The following PPME1 variants were observed in gnomAD, a reference collection of about 807,000 sequenced individuals.
PPME1 encodes the protein protein phosphatase methylesterase 1.
PPME1 carries 17 observed loss-of-function variants against 56.9 expected under a neutral mutation model. The observed-to-expected ratio is 0.30, with a 90% CI of 0.20 to 0.45. The LOEUF (loss-of-function observed/expected upper bound fraction) is 0.45. PPME1 is among the 20% of genes least tolerant of loss of function. The pLI is 1.00. For missense variants in PPME1, 357 were observed against 483.2 expected, an observed-to-expected ratio of 0.74 and a Z score of 2.45; for synonymous variants, 122 against 156.2, an observed-to-expected ratio of 0.78 and a Z score of 1.63.
At chr11:74,228,306 T>A (rs1858980488) in intron 5 of PPME1, among the ~76,000 whole-genome samples, 1 of 152,186 alleles carries the variant, frequency 6.6e-6, no homozygotes, top group Non-Finnish European at 1.5e-5. Context: ...AATAATTTCC[T>A]CTGTGTTACT....
chr11:74,200,357 TTGTGTGTGTGTGTG>T (rs71919163), intron 1 of PPME1, among the ~76,000 whole-genome samples: 363 of 145,916 alleles, frequency 2.5e-3, no homozygotes, highest in African/African-American at 7.9e-3. Context: ...GTCATGTGTT[TTGTGTGTGTGTGTG>T]TGTGTGTGTG....
At chr11:74,241,805 G>A (rs1859367474) in intron 9 of PPME1, among the ~76,000 whole-genome samples, 1 of 152,064 alleles carries the variant, frequency 6.6e-6, no homozygotes, top group African/African-American at 2.4e-5. Flanking sequence ...AGAAATGTTT[G>A]TTAGATACGT....
At position 74,171,484 on chromosome 11, in the gene PPME1, C is replaced by T. The variant is rs1458366213; in HGVS notation, c.63C>T (p.Gly21=). The change falls in exon 1 of 14, where the codon GGC becomes GGT. Residue 21 remains glycine, a synonymous_variant. Coordinates refer to ENST00000328257, the MANE Select transcript of PPME1 (RefSeq NM_016147.3). ...TTCCCTCTCGCCCACCTCTACCCGGCAGCGGGGGCAGTCAGAGCGGAGCCA... is the reference window on the plus strand; with the variant it reads ...TTCCCTCTCGCCCACCTCTACCCGGTAGCGGGGGCAGTCAGAGCGGAGCCA... ...GRLPSRPPLP[G]SGGSQSGAKM... The T allele has an allele frequency of 1.9e-6, 3 of 1,613,342 alleles. No homozygotes were observed. Among genetic ancestry groups the T allele is most frequent in the Non-Finnish European group, 1.7e-6 (2 of 1,179,804 alleles).
intron 1 of PPME1, among the ~76,000 whole-genome samples, chr11:74,174,067 A>G (rs1168652284): frequency 2.0e-5 from 3 of 152,206 alleles, no homozygotes; most frequent in Non-Finnish European, 4.4e-5. Context: ...TGGTAGTAAT[A>G]ATATAGATTC....
intron 1 of PPME1, among the ~76,000 whole-genome samples, chr11:74,176,434 T>G (rs1028020278): frequency 4.8e-5 from 7 of 145,568 alleles, no homozygotes; most frequent in Admixed American, 1.4e-4. Context: ...AGTATTTCTG[T>G]TTTTTTTTTT....
At chr11:74,215,654 T>C (rs1858619484) in intron 3 of PPME1, among the ~76,000 whole-genome samples, 3 of 152,144 alleles carry the variant, frequency 2.0e-5, no homozygotes, top group Admixed American at 2.0e-4. Flanking sequence ...AATAAGTCCT[T>C]ATTAATAATA....
At chr11:74,173,052 C>T (rs971797660) in intron 1 of PPME1, among the ~76,000 whole-genome samples, 3 of 151,956 alleles carry the variant, frequency 2.0e-5, no homozygotes, top group Non-Finnish European at 2.9e-5. Context: ...TGCTATGATA[C>T]GCAGTAGAAA....
chr11:74,174,133 C>T (rs554462339), intron 1 of PPME1, among the ~76,000 whole-genome samples: 1 of 144,204 alleles, frequency 6.9e-6, no homozygotes, highest in Admixed American at 6.6e-5. Flanking sequence ...TCTCATTTCA[C>T]CACTTCATGT....
At chr11:74,206,107 C>T (rs1399247479) in intron 3 of PPME1, among the ~76,000 whole-genome samples, 3 of 152,096 alleles carry the variant, frequency 2.0e-5, no homozygotes, top group South Asian at 2.1e-4. Flanking sequence ...CATTTCAAAT[C>T]GTAGCTTTAG....
At chr11:74,234,767 ATAGG>A (rs1420278617) in intron 7 of PPME1, among the ~76,000 whole-genome samples, 1 of 152,214 alleles carries the variant, frequency 6.6e-6, no homozygotes, top group Non-Finnish European at 1.5e-5. Flanking sequence ...AAATGGAGTA[ATAGG>A]TAGTAGTGAA....
chr11:74,209,300 G>A (rs183397819), intron 3 of PPME1, among the ~76,000 whole-genome samples: 87 of 152,054 alleles, frequency 5.7e-4, no homozygotes, highest in African/African-American at 2.0e-3. Flanking sequence ...AGGGAATCCC[G>A]CTATATTGCC....
chr11:74,234,715 A>G (rs754214097), intron 7 of PPME1, among the ~76,000 whole-genome samples: 3 of 152,232 alleles, frequency 2.0e-5, no homozygotes, highest in Non-Finnish European at 4.4e-5. Flanking sequence ...AGAGAAAGCA[A>G]GATAACTCTT....
chr11:74,194,956 C>T (rs1463781111), intron 1 of PPME1, among the ~76,000 whole-genome samples: 1 of 152,154 alleles, frequency 6.6e-6, no homozygotes, highest in African/African-American at 2.4e-5. Flanking sequence ...TTATATCAGA[C>T]AGCAGGCAGT....
chr11:74,200,925 A>G (rs1222177130), intron 1 of PPME1, among the ~76,000 whole-genome samples: 1 of 151,890 alleles, frequency 6.6e-6, no homozygotes, highest in Non-Finnish European at 1.5e-5. Context: ...GGCTCAATTT[A>G]TCTTCCCACC....
chr11:74,220,497 AC>A (rs1300081060), intron 3 of PPME1, among the ~76,000 whole-genome samples: 3 of 152,214 alleles, frequency 2.0e-5, no homozygotes, highest in Non-Finnish European at 4.4e-5. Context: ...GTTGAAAACC[AC>A]CTGGAACCAG....
At chr11:74,180,015 C>A (rs1385244585) in intron 1 of PPME1, among the ~76,000 whole-genome samples, 1 of 152,174 alleles carries the variant, frequency 6.6e-6, no homozygotes, top group Non-Finnish European at 1.5e-5. Context: ...CAGACTTAAG[C>A]AGCCTAGATG....
rs73549049 is a variant in PPME1, at chr11:74,244,367, A to C, written c.835-1709A>C. On this transcript the variant is annotated intron_variant, in intron 9 of 13. Transcript: ENST00000328257. ...CCTTGATGTTTTTCTTATTGGTTGA[A>C]CTATTTTACAACTCAGTACACAAGG... 6.3e-3 allele frequency among the ~76,000 whole-genome samples: 962 copies of C among 152,268 alleles called. 8 individuals carry two copies. The highest frequency in any genetic ancestry group is 0.022 in the African/African-American group (914 of 41,552).
intron 4 of PPME1, among the ~76,000 whole-genome samples, chr11:74,223,918 C>A (rs1231797100): frequency 6.7e-6 from 1 of 149,676 alleles, no homozygotes; most frequent in Non-Finnish European, 1.5e-5. Flanking sequence ...ATGGTAGTTT[C>A]TTTTGCTGTG....
chr11:74,239,194 G>A lies in PPME1; in HGVS notation c.772G>A (p.Glu258Lys), dbSNP rs771852576. ...KSIVEGIIEE[E>K]EEDEEGSESI... Reference sequence around the variant, plus strand: ...TATAGTGGAAGGAATCATAGAGGAAGAAGAAGAAGATGAGGAAGGAAGTGA... The same window carrying A: ...TATAGTGGAAGGAATCATAGAGGAAAAAGAAGAAGATGAGGAAGGAAGTGA... The change falls in exon 9 of 14, where the codon GAA (glutamate) becomes AAA (lysine). Residue 258 changes from glutamate (E) to lysine (K), a missense_variant. Glu to Lys is a moderately conservative substitution (Grantham distance 56). Transcript: ENST00000328257. 6.2e-7 allele frequency: 1 copy of A among 1,613,584 alleles called. No homozygotes were observed. Among genetic ancestry groups the A allele is most frequent in the Non-Finnish European group, 8.5e-7 (1 of 1,179,650 alleles).
Sources: gnomAD v4.1 joint callset for allele counts (sites outside exome capture counted in the v4.1 genomes callset) on GRCh38, gnomAD v4.1.1 for gene constraint, MANE v1.5 for transcripts, NCBI Gene and HGNC (gene_info 2026-07-23, HGNC 2026-07-21) for gene names.